The following CNPY1 variants were observed in gnomAD, a reference collection of about 807,000 sequenced individuals.
CNPY1 encodes canopy FGF signaling regulator 1, also known as protein canopy homolog 1.
A neutral mutation model predicts 14.4 loss-of-function variants in CNPY1; 14 were observed. The ratio of observed to expected loss-of-function variants is 0.97; its 90% CI spans 0.64 to 1.52. CNPY1 has a LOEUF of 1.52. CNPY1 is among the 40% of genes most tolerant of loss of function. The pLI, the probability that CNPY1 is intolerant of heterozygous loss-of-function variation, is 0.00. For synonymous variants in CNPY1, 43 were observed against 46.5 expected, an observed-to-expected ratio of 0.92 and a Z score of 0.31; for missense variants, 129 against 131.5, an observed-to-expected ratio of 0.98 and a Z score of 0.09.
At chr7:155,545,208 C>T (rs1797143957) in intron 2 of CNPY1, among the ~76,000 whole-genome samples, 1 of 152,194 alleles carries the variant, frequency 6.6e-6, no homozygotes, top group Non-Finnish European at 1.5e-5. Context: ...TAGAATGATG[C>T]TGAAATTGGC....
At chr7:155,529,885 C>T (rs1260606658) in intron 2 of CNPY1, among the ~76,000 whole-genome samples, 4 of 152,060 alleles carry the variant, frequency 2.6e-5, no homozygotes, top group East Asian at 1.9e-4. Context: ...CTGGCTCAAG[C>T]GATTCTCATG....
intron 2 of CNPY1, among the ~76,000 whole-genome samples, chr7:155,512,875 T>G (rs981202716): frequency 2.6e-5 from 4 of 152,244 alleles, no homozygotes; most frequent in African/African-American, 9.6e-5. Flanking sequence ...TAGCAAAGAT[T>G]TTCTTTCTAG....
chr7:155,525,150 C>T (rs947057971), intron 2 of CNPY1, among the ~76,000 whole-genome samples: 2 of 152,088 alleles, frequency 1.3e-5, no homozygotes, highest in Non-Finnish European at 2.9e-5. Flanking sequence ...TTTCTTCTCC[C>T]TGAGGATAGT....
Position 155,502,159 on chromosome 7 carries a change from G to T in CNPY1, c.*909C>A, listed in dbSNP as rs1403148917. ...GTAACAGAGATAAAGAAATTTCCGG[G>T]AGTGATTGTTACTAGACTTTGTATA... On this transcript the variant is annotated 3_prime_UTR_variant, in exon 5 of 5. Transcript: ENST00000636446. 6.6e-6 allele frequency: 1 copy of T among 152,098 alleles called. No individual in the cohort carries two copies. The highest frequency in any genetic ancestry group is 2.4e-5 in the African/African-American group (1 of 41,416). 9.4% of individuals were successfully genotyped at this position (152,098 alleles called of 1,614,324 possible). A position where few individuals can be genotyped will look rare whatever the true frequency, so the allele number is the denominator to read the frequency against.
At chr7:155,529,907 C>A (rs574331450) in intron 2 of CNPY1, among the ~76,000 whole-genome samples, 1 of 152,062 alleles carries the variant, frequency 6.6e-6, no homozygotes, top group Non-Finnish European at 1.5e-5. Flanking sequence ...CTCAGCCTCC[C>A]GAGTAACTGG....
At chr7:155,529,093 C>T (rs945554271) in intron 2 of CNPY1, among the ~76,000 whole-genome samples, 17 of 151,854 alleles carry the variant, frequency 1.1e-4, no homozygotes, top group African/African-American at 3.4e-4. Flanking sequence ...ACAACTTTGT[C>T]CCAGCCATGA....
Position 155,534,174 on chromosome 7 carries a change from G to A in CNPY1, c.99+11657C>T, listed in dbSNP as rs1214022292. Among the ~76,000 whole-genome samples the A allele has an allele frequency of 3.3e-5, 5 of 152,234 alleles. No individual in the cohort carries two copies. In the East Asian group the frequency reaches 5.8e-4, roughly 18 times the overall value. On this transcript the variant is annotated intron_variant, in intron 2 of 4. Transcript: ENST00000636446. ...TTTCCTTTCCCCTGACCCAGGCACA[G>A]TCTCCTGATGGCCTCAGATGCCTCC...
chr7:155,517,296 G>A (rs1429475111), intron 2 of CNPY1, among the ~76,000 whole-genome samples: 1 of 152,208 alleles, frequency 6.6e-6, no homozygotes, highest in African/African-American at 2.4e-5. Context: ...GCAGAGGGAA[G>A]ACGCCATCTA....
chr7:155,505,056 C>G (rs1324003013), intron 4 of CNPY1, among the ~76,000 whole-genome samples: 1 of 152,306 alleles, frequency 6.6e-6, no homozygotes, highest in East Asian at 1.9e-4. Flanking sequence ...TGAAGAAGCT[C>G]TCTTCCTTGT....
intron 2 of CNPY1, among the ~76,000 whole-genome samples, chr7:155,537,044 G>A (rs1797032316): frequency 6.6e-6 from 1 of 152,224 alleles, no homozygotes; most frequent in Non-Finnish European, 1.5e-5. Flanking sequence ...GATGCTTCTT[G>A]CTCTTCTTTG....
intron 2 of CNPY1, among the ~76,000 whole-genome samples, chr7:155,515,043 C>A (rs1316562823): frequency 2.0e-5 from 3 of 152,230 alleles, no homozygotes; most frequent in Non-Finnish European, 2.9e-5. Context: ...CACACGCACA[C>A]ACCACGCCAT....
chr7:155,524,248 G>T (rs1453485642), intron 2 of CNPY1, among the ~76,000 whole-genome samples: 1 of 152,302 alleles, frequency 6.6e-6, no homozygotes, highest in South Asian at 2.1e-4. Context: ...CTCAGGCACT[G>T]CGCGAGCCAC....
rs760617343 is a variant in CNPY1, at chr7:155,508,937, T to C, written c.260A>G (p.Lys87Arg). 4 of 1,613,620 alleles carry C rather than the reference T, an allele frequency of 2.5e-6. No individual in the cohort carries two copies. Among genetic ancestry groups the C allele is most frequent in the Non-Finnish European group, 3.4e-6 (4 of 1,179,880 alleles). The change falls in exon 3 of 5, where the codon AAA (lysine) becomes AGA (arginine). Residue 87 changes from lysine to arginine, a missense_variant. Coordinates refer to ENST00000636446, the MANE Select transcript of CNPY1 (RefSeq NM_001393663.1). Reference sequence around the variant, plus strand: ...GTAAGCATCAGAATAAAAATACAATTTTTTAAATTCTTGGTATATTTTGTC... The same window carrying C: ...GTAAGCATCAGAATAAAAATACAATCTTTTAAATTCTTGGTATATTTTGTC... ...KGDKIYQEFK[K>R]LYFYSDAYRP...
Position 155,536,812 on chromosome 7 carries a change from C to T in CNPY1, c.99+9019G>A, listed in dbSNP as rs960319762. 4.6e-5 allele frequency among the ~76,000 whole-genome samples: 7 copies of T among 152,224 alleles called. No homozygotes were observed. The highest frequency in any genetic ancestry group is 1.7e-4 in the African/African-American group (7 of 41,456). On this transcript the variant is annotated intron_variant, in intron 2 of 4. Transcript: ENST00000636446. This position sits in a 1 kb window ranked among gnomAD's most constrained non-coding sequence, Gnocchi z 4.1. ...CTCTCAACGCTCGTGGTGATCCACA[C>T]TGACACCAGGCAGTGTATGATACTT...
At chr7:155,513,117 A>G (rs1436453640) in intron 2 of CNPY1, among the ~76,000 whole-genome samples, 1 of 152,220 alleles carries the variant, frequency 6.6e-6, no homozygotes, top group African/African-American at 2.4e-5. Context: ...ATTGACTGCT[A>G]TGAGTTTGTT....
chr7:155,504,727 C>CACAG (rs1437578432), intron 4 of CNPY1, among the ~76,000 whole-genome samples: 2 of 144,146 alleles, frequency 1.4e-5, no homozygotes, highest in Admixed American at 7.0e-5. Flanking sequence ...CACACACACA[C>CACAG]AGTCACATCT....
chr7:155,507,488 AAAAAAAAAAAAG>A (rs1365410910), intron 3 of CNPY1, among the ~76,000 whole-genome samples: 2 of 149,168 alleles, frequency 1.3e-5, no homozygotes, highest in Non-Finnish European at 3.0e-5. Flanking sequence ...AAAAAAAAAA[AAAAAAAAAAAAG>A]AAGACCACAG....
chr7:155,534,208 CCA>C (rs1336770238), intron 2 of CNPY1, among the ~76,000 whole-genome samples: 1 of 152,198 alleles, frequency 6.6e-6, no homozygotes, highest in East Asian at 1.9e-4. Flanking sequence ...CCTCTGGTGC[CCA>C]GATAGGCTGC....
At chr7:155,506,919 G>A (rs932050431) in intron 4 of CNPY1, 101 bp downstream of exon 4, 20 of 741,934 alleles carry the variant, frequency 2.7e-5, no homozygotes, top group East Asian at 2.6e-5. Context: ...GCCGTGGATC[G>A]CAGAGGCAGC....
Sources: gnomAD v4.1 joint callset for allele counts (sites outside exome capture counted in the v4.1 genomes callset) on GRCh38, gnomAD v4.1.1 for gene constraint, Gnocchi (gnomAD v3.1) non-coding constraint, MANE v1.5 for transcripts, NCBI Gene and HGNC (gene_info 2026-07-23, HGNC 2026-07-21) for gene names.